Variants in PARD3B observed in about 807,000 individuals in gnomAD.
PARD3B encodes partitioning defective 3 homolog B.
PARD3B carries 103 observed loss-of-function variants against 130.2 expected under a neutral mutation model. The ratio of observed to expected loss-of-function variants is 0.79; its 90% CI spans 0.67 to 0.93. PARD3B has a LOEUF of 0.93. PARD3B is among the 40% of genes least tolerant of loss of function. The pLI is 0.00. For missense variants in PARD3B, 1,609 were observed against 1,499.2 expected, an observed-to-expected ratio of 1.07 and a Z score of -1.21; for synonymous variants, 583 against 553.2, an observed-to-expected ratio of 1.05 and a Z score of -0.76.
At chr2:204,597,029 C>T (rs1265836504) in intron 1 of PARD3B, among the ~76,000 whole-genome samples, 1 of 151,588 alleles carries the variant, frequency 6.6e-6, no homozygotes, top group African/African-American at 2.4e-5. Flanking sequence ...ATGGAACATT[C>T]GTATTTGTGG....
chr2:204,977,704 C>A (rs768587766), intron 3 of PARD3B, among the ~76,000 whole-genome samples: 2 of 145,394 alleles, frequency 1.4e-5, no homozygotes, highest in South Asian at 4.4e-4. Context: ...CCCAGCTACT[C>A]GGGAGGCTGA....
intron 21 of PARD3B, among the ~76,000 whole-genome samples, chr2:205,520,093 C>A (rs1346757868): frequency 6.6e-6 from 1 of 152,066 alleles, no homozygotes; most frequent in Non-Finnish European, 1.5e-5. Flanking sequence ...TGTTTTTGTT[C>A]CTCCCCTAAC....
At chr2:204,997,751 A>G (rs562758014) in intron 3 of PARD3B, among the ~76,000 whole-genome samples, 13 of 151,730 alleles carry the variant, frequency 8.6e-5, no homozygotes, top group African/African-American at 1.2e-4. Context: ...CCAGTGTTGG[A>G]TAGAATGAGT....
intron 2 of PARD3B, among the ~76,000 whole-genome samples, chr2:204,691,203 C>T (rs1420941067): frequency 1.3e-5 from 2 of 151,982 alleles, no homozygotes; most frequent in African/African-American, 4.8e-5. Context: ...TTGGTAATTG[C>T]CATTATTAAT....
chr2:205,350,126 G>A (rs1449030753), intron 18 of PARD3B, among the ~76,000 whole-genome samples: 2 of 152,106 alleles, frequency 1.3e-5, no homozygotes, highest in East Asian at 3.9e-4. Context: ...TGGGTTTCTG[G>A]AGCAGCTTAT....
intron 19 of PARD3B, among the ~76,000 whole-genome samples, chr2:205,414,392 T>A (rs772196620): frequency 6.6e-6 from 1 of 152,170 alleles, no homozygotes; most frequent in South Asian, 2.1e-4. Context: ...CTTAAAAGTA[T>A]AAAACAGCAT....
At chr2:205,502,364 T>C (rs1216363128) in intron 21 of PARD3B, among the ~76,000 whole-genome samples, 2 of 152,104 alleles carry the variant, frequency 1.3e-5, no homozygotes, top group African/African-American at 4.8e-5. Flanking sequence ...TAAAATCAGA[T>C]CACAGTCGCG....
At chr2:205,101,138 A>G (rs908372753) in intron 4 of PARD3B, among the ~76,000 whole-genome samples, 10 of 152,310 alleles carry the variant, frequency 6.6e-5, no homozygotes, top group African/African-American at 2.4e-4. Flanking sequence ...CTACAGGTCA[A>G]TAATAAAAAG....
chr2:204,854,846 C>T (rs1212307370), intron 2 of PARD3B, among the ~76,000 whole-genome samples: 1 of 151,908 alleles, frequency 6.6e-6, no homozygotes, highest in African/African-American at 2.4e-5. Context: ...AAATTTAGGT[C>T]CTGGACACAC....
intron 18 of PARD3B, among the ~76,000 whole-genome samples, chr2:205,368,693 G>A (rs1201496048): frequency 3.3e-5 from 5 of 151,932 alleles, no homozygotes; most frequent in Non-Finnish European, 7.4e-5. Flanking sequence ...CTATTGGCAG[G>A]TACAAAACTA....
intron 4 of PARD3B, among the ~76,000 whole-genome samples, chr2:205,074,037 C>T (rs575985875): frequency 4.6e-5 from 7 of 152,252 alleles, no homozygotes; most frequent in Non-Finnish European, 1.0e-4. Context: ...TATGACTAAT[C>T]TTAGTGGACA....
At position 205,590,463 on chromosome 2, in the gene PARD3B, G is replaced by T. The variant is rs1389514486; in HGVS notation, c.3261-24993G>T. Among the ~76,000 whole-genome samples the T allele has an allele frequency of 6.6e-6, 1 of 152,170 alleles. No homozygotes were observed. Among genetic ancestry groups the T allele is most frequent in the Non-Finnish European group, 1.5e-5 (1 of 68,028 alleles). ...AGAAGTCCTAGGATCATCTCAGGTT[G>T]CTTTTATCGCGGTATGTTTTTAACC... is the stretch of plus-strand genomic sequence containing the variant. On this transcript the variant is annotated intron_variant, in intron 22 of 22. Coordinates refer to ENST00000406610, the MANE Select transcript of PARD3B (RefSeq NM_001302769.2). This position sits in a 1 kb window ranked among gnomAD's most constrained non-coding sequence, Gnocchi z 4.1.
At chr2:204,644,851 C>G (rs2035217351) in intron 1 of PARD3B, among the ~76,000 whole-genome samples, 1 of 151,982 alleles carries the variant, frequency 6.6e-6, no homozygotes, top group African/African-American at 2.4e-5. Flanking sequence ...AAAAAAATTC[C>G]TCCCCAGAGA....
chr2:204,661,056 C>T (rs1345272003), intron 1 of PARD3B, among the ~76,000 whole-genome samples: 1 of 152,130 alleles, frequency 6.6e-6, no homozygotes, highest in Non-Finnish European at 1.5e-5. Context: ...AGTCAGGCCT[C>T]CTTTTAAGTC....
chr2:205,219,348 A>G (rs1312193677), intron 15 of PARD3B, among the ~76,000 whole-genome samples: 2 of 152,168 alleles, frequency 1.3e-5, no homozygotes, highest in Non-Finnish European at 1.5e-5. Context: ...TGTGCATCCC[A>G]TTTAAGTGAA....
intron 3 of PARD3B, among the ~76,000 whole-genome samples, chr2:205,034,462 GT>G (rs1697657178): frequency 6.6e-6 from 1 of 152,116 alleles, no homozygotes; most frequent in Non-Finnish European, 1.5e-5. Flanking sequence ...CCTTTGTGTT[GT>G]GTGCTGATGT....
rs775824338 is a variant in PARD3B, at chr2:205,424,217, G to A, written c.2742-16153G>A. On this transcript the variant is annotated intron_variant, in intron 19 of 22. Coordinates refer to ENST00000406610, the MANE Select transcript of PARD3B (RefSeq NM_001302769.2). ...TTAAACTCTCTATGATGCAGAGAAC[G>A]TGACTTTTCAGAATATGAGTGCCCT... is the stretch of plus-strand genomic sequence containing the variant. 4.6e-5 allele frequency among the ~76,000 whole-genome samples: 7 copies of A among 152,264 alleles called. No homozygotes were observed. In the South Asian group the frequency reaches 1.4e-3, roughly 32 times the overall value.
chr2:204,568,954 G>GA (rs368465299), intron 1 of PARD3B, among the ~76,000 whole-genome samples: 3 of 143,332 alleles, frequency 2.1e-5, no homozygotes, highest in African/African-American at 5.4e-5. Flanking sequence ...GACTGTCTCA[G>GA]GAAAAAAAAA....
intron 1 of PARD3B, among the ~76,000 whole-genome samples, chr2:204,594,558 C>G (rs944255140): frequency 7.2e-5 from 11 of 152,166 alleles, no homozygotes; most frequent in Non-Finnish European, 1.2e-4. Context: ...CAGACTGTAT[C>G]CATGCCATGA....
Sources: gnomAD v4.1 joint callset for allele counts (sites outside exome capture counted in the v4.1 genomes callset) on GRCh38, gnomAD v4.1.1 for gene constraint, Gnocchi (gnomAD v3.1) non-coding constraint, MANE v1.5 for transcripts, NCBI Gene and HGNC (gene_info 2026-07-23, HGNC 2026-07-21) for gene names.